Variants in ZMAT4 observed in about 807,000 individuals in gnomAD.
ZMAT4 encodes the protein zinc finger matrin-type protein 4.
Under a neutral mutation model 28.7 loss-of-function variants are expected in ZMAT4, and 17 were observed. The ratio of observed to expected loss-of-function variants is 0.59; its 90% confidence interval spans 0.41 to 0.89. ZMAT4 has a LOEUF of 0.89. ZMAT4 is among the 40% of genes least tolerant of loss of function. The pLI, the probability that ZMAT4 is intolerant of heterozygous loss-of-function variation, is 0.00. For missense variants in ZMAT4, 240 were observed against 283.8 expected, an observed-to-expected ratio of 0.85 and a Z score of 1.11; for synonymous variants, 117 against 109.2, an observed-to-expected ratio of 1.07 and a Z score of -0.44.
intron 1 of ZMAT4, among the ~76,000 whole-genome samples, chr8:40,852,367 G>A (rs1817141929): frequency 6.6e-6 from 1 of 152,138 alleles, no homozygotes; most frequent in African/African-American, 2.4e-5. Flanking sequence ...GAAAAATTAT[G>A]AGAAGAGGGA....
intron 3 of ZMAT4, among the ~76,000 whole-genome samples, chr8:40,759,478 T>A (rs1383900216): frequency 6.6e-6 from 1 of 151,934 alleles, no homozygotes; most frequent in Non-Finnish European, 1.5e-5. Context: ...CACAAAGAGG[T>A]GATCTCTCTT....
intron 4 of ZMAT4, among the ~76,000 whole-genome samples, chr8:40,694,566 A>G (rs781094512): frequency 6.6e-6 from 1 of 152,038 alleles, no homozygotes; most frequent in Non-Finnish European, 1.5e-5. Flanking sequence ...AGAGCCTCCG[A>G]TGCTGGTGCC....
intron 2 of ZMAT4, among the ~76,000 whole-genome samples, chr8:40,782,734 G>A (rs577354916): frequency 6.6e-6 from 1 of 152,270 alleles, no homozygotes; most frequent in African/African-American, 2.4e-5. Context: ...CGAGTTGTGA[G>A]GCTTGAGGGG....
chr8:40,743,381 G>A (rs1812092359), intron 3 of ZMAT4, among the ~76,000 whole-genome samples: 1 of 152,206 alleles, frequency 6.6e-6, no homozygotes, highest in Admixed American at 6.5e-5. Context: ...ATCGGGAGGA[G>A]CCCCAGACAG....
rs1817672910 is a variant in ZMAT4, at chr8:40,866,244, G to A, written c.-5+31439C>T. On this transcript the variant is annotated intron_variant, in intron 1 of 6. Coordinates refer to ENST00000297737, the MANE Select transcript of ZMAT4 (RefSeq NM_024645.3). The stretch of plus-strand genomic sequence containing the variant: ...CTATATCTTGTCTTTCTGGTTTTAA[G>A]AATTGGTGGGCACAAGAGGACTTAG... Among the ~76,000 whole-genome samples, 3 of 152,224 alleles carry A rather than the reference G, an allele frequency of 2.0e-5. No individual in the cohort carries two copies. In the South Asian group the frequency reaches 6.2e-4, roughly 32 times the overall value.
chr8:40,715,640 T>C (rs952885236), intron 3 of ZMAT4, among the ~76,000 whole-genome samples: 1 of 152,170 alleles, frequency 6.6e-6, no homozygotes, highest in African/African-American at 2.4e-5. Context: ...CCCACAATTT[T>C]ATAGGGTTAA....
At chr8:40,627,736 T>A (rs559166920) in intron 5 of ZMAT4, among the ~76,000 whole-genome samples, 1 of 152,338 alleles carries the variant, frequency 6.6e-6, no homozygotes, top group Non-Finnish European at 1.5e-5. Flanking sequence ...GAGAAGTATC[T>A]TTTTTTCTTA....
chr8:40,760,706 GTCTCTC>G (rs56024719), intron 3 of ZMAT4, among the ~76,000 whole-genome samples: 23 of 142,402 alleles, frequency 1.6e-4, no homozygotes, highest in East Asian at 6.2e-4. Context: ...CTCTGTCACA[GTCTCTC>G]TCTCTCTCTC....
At chr8:40,602,647 T>G (rs1230392744) in intron 5 of ZMAT4, among the ~76,000 whole-genome samples, 1 of 152,172 alleles carries the variant, frequency 6.6e-6, no homozygotes, top group Non-Finnish European at 1.5e-5. Context: ...TTTTCATATG[T>G]TTTTTGGCCA....
chr8:40,644,029 G>A (rs1045214923), intron 5 of ZMAT4, among the ~76,000 whole-genome samples: 1 of 152,032 alleles, frequency 6.6e-6, no homozygotes, highest in Non-Finnish European at 1.5e-5. Context: ...TTAAACCAGG[G>A]TAATGGCATA....
At chr8:40,756,056 C>T (rs1039902334) in intron 3 of ZMAT4, among the ~76,000 whole-genome samples, 1 of 152,112 alleles carries the variant, frequency 6.6e-6, no homozygotes, top group South Asian at 2.1e-4. Context: ...GGAACCCATA[C>T]ACATTGATCC....
intron 3 of ZMAT4, among the ~76,000 whole-genome samples, chr8:40,718,041 C>G (rs1002984495): frequency 6.6e-6 from 1 of 152,156 alleles, no homozygotes; most frequent in Non-Finnish European, 1.5e-5. Flanking sequence ...CACTCATGTT[C>G]TTTTTCTGTT....
chr8:40,739,677 G>A (rs377668868), intron 3 of ZMAT4, among the ~76,000 whole-genome samples: 3 of 152,276 alleles, frequency 2.0e-5, no homozygotes, highest in Admixed American at 1.3e-4. Context: ...TGTGCAGAAC[G>A]TGCAGGTTTG....
At chr8:40,821,983 G>T (rs1314660993) in intron 2 of ZMAT4, among the ~76,000 whole-genome samples, 1 of 152,106 alleles carries the variant, frequency 6.6e-6, no homozygotes, top group Non-Finnish European at 1.5e-5. Flanking sequence ...GTCTTTCTTG[G>T]CCATAATAGC....
At chr8:40,848,990 A>T (rs886547241) in intron 1 of ZMAT4, among the ~76,000 whole-genome samples, 2 of 152,256 alleles carry the variant, frequency 1.3e-5, no homozygotes, top group Non-Finnish European at 2.9e-5. Context: ...CCTGCAGGTC[A>T]CCGCTCTGTG....
chr8:40,703,250 A>G (rs1810220850), intron 3 of ZMAT4, among the ~76,000 whole-genome samples: 1 of 152,200 alleles, frequency 6.6e-6, no homozygotes, highest in South Asian at 2.1e-4. Flanking sequence ...ATAAAAATAT[A>G]TGTCCACATA....
At chr8:40,850,931 T>C (rs1208660197) in intron 1 of ZMAT4, among the ~76,000 whole-genome samples, 2 of 152,238 alleles carry the variant, frequency 1.3e-5, no homozygotes, top group Non-Finnish European at 2.9e-5. Context: ...TTATTTACTG[T>C]GTTCAAAGTT....
At chr8:40,891,677 T>C (rs1255856485) in intron 1 of ZMAT4, among the ~76,000 whole-genome samples, 2 of 152,078 alleles carry the variant, frequency 1.3e-5, no homozygotes, top group East Asian at 1.9e-4. Context: ...AAAACCCCTC[T>C]TCCTTCTGGT....
rs561405347 is a variant in ZMAT4 at position 40,722,758 on chromosome 8, G to A, written c.193-25357C>T. ...CTGCGGGGATTGTAGCAGGCTGCAC[G>A]AAGCACCTCCAGAATGGTTTGACTC... On this transcript the variant is annotated intron_variant, in intron 3 of 6. Transcript: ENST00000297737. 3.3e-5 allele frequency among the ~76,000 whole-genome samples: 5 copies of A among 152,252 alleles called. No homozygotes were observed. In the South Asian group the frequency reaches 8.3e-4, roughly 25 times the overall value.
Sources: allele counts gnomAD v4.1 joint callset (sites outside exome capture counted in the v4.1 genomes callset), GRCh38; gene constraint gnomAD v4.1.1; transcripts MANE v1.5; gene names NCBI Gene and HGNC (gene_info 2026-07-23, HGNC 2026-07-21).